Variants in KIAA1549L observed in about 807,000 individuals in gnomAD.
KIAA1549L encodes UPF0606 protein KIAA1549L.
Under a neutral mutation model 160.7 loss-of-function variants are expected in KIAA1549L, and 88 were observed. The observed-to-expected ratio is 0.55, with a 90% CI of 0.46 to 0.65. The LOEUF is 0.65. KIAA1549L is among the 30% of genes least tolerant of loss of function. KIAA1549L has a pLI of 0.00. For missense variants in KIAA1549L, 2,258 were observed against 2,437.5 expected (o/e 0.93, Z 1.55); for synonymous variants, 950 against 976.7 (o/e 0.97, Z 0.51).
chr11:33,387,375 G>A (rs1376013341), intron 1 of KIAA1549L, among the ~76,000 whole-genome samples: 26 of 151,752 alleles, frequency 1.7e-4, no homozygotes, highest in Admixed American at 1.5e-3. Context: ...GCACAGTCTC[G>A]GCTCACTGCA....
At position 33,543,109 on chromosome 11, in the gene KIAA1549L, T is replaced by C. The variant is rs1274503929; in HGVS notation, c.1546T>C (p.Ser516Pro). ...CCTCCAGCCCACAGAGAATCATGCCTCCCCATCTCCTGTGCCAGAAATGCC... is the reference window on the plus strand; with the variant it reads ...CCTCCAGCCCACAGAGAATCATGCCCCCCCATCTCCTGTGCCAGAAATGCC... Reference protein sequence around the residue: ...TFLQPTENHASPSPVPEMPTL... With the variant: ...TFLQPTENHAPPSPVPEMPTL... Residue 516 changes from serine to proline, a missense_variant, in exon 2 of 21, where the codon TCC becomes CCC. Transcript: ENST00000658780. The C allele has an allele frequency of 6.2e-7, 1 of 1,613,818 alleles. No individual in the cohort carries two copies. Among genetic ancestry groups the C allele is most frequent in the African/African-American group, 1.3e-5 (1 of 75,038 alleles).
chr11:33,480,891 G>A (rs1170769603), intron 1 of KIAA1549L, among the ~76,000 whole-genome samples: 1 of 152,184 alleles, frequency 6.6e-6, no homozygotes, highest in South Asian at 2.1e-4. Flanking sequence ...GTGGATGTAG[G>A]AGTCAGATTT....
intron 1 of KIAA1549L, among the ~76,000 whole-genome samples, chr11:33,449,302 TTTC>T (rs1187415603): frequency 6.6e-6 from 1 of 152,192 alleles, no homozygotes; most frequent in Non-Finnish European, 1.5e-5. Context: ...TCTCACACTT[TTTC>T]TTCTTTGGAG....
At chr11:33,640,015 T>TA (rs1221481256) in intron 16 of KIAA1549L, among the ~76,000 whole-genome samples, 1 of 152,200 alleles carries the variant, frequency 6.6e-6, no homozygotes, top group Non-Finnish European at 1.5e-5. Context: ...TGGAGATACT[T>TA]ACTTACAATA....
chr11:33,599,036 C>T, intron 13 of KIAA1549L, 89 bp downstream of exon 13: 1 of 1,455,688 alleles, frequency 6.9e-7, no homozygotes, highest in African/African-American at 1.4e-5. Flanking sequence ...CAAACTCACA[C>T]ACAGCCACTG....
intron 1 of KIAA1549L, among the ~76,000 whole-genome samples, chr11:33,464,779 C>T (rs1852017327): frequency 6.6e-6 from 1 of 152,064 alleles, no homozygotes; most frequent in African/African-American, 2.4e-5. Context: ...GACCTCTTAG[C>T]AAGGCTTACT....
chr11:33,445,621 T>C (rs1316467845), intron 1 of KIAA1549L, among the ~76,000 whole-genome samples: 1 of 152,236 alleles, frequency 6.6e-6, no homozygotes, highest in South Asian at 2.1e-4. Flanking sequence ...AAGAATGATA[T>C]GTTGGACTCA....
chr11:33,465,367 T>C (rs1048492501), intron 1 of KIAA1549L, among the ~76,000 whole-genome samples: 2 of 152,082 alleles, frequency 1.3e-5, no homozygotes, highest in Non-Finnish European at 2.9e-5. Flanking sequence ...GGGGACCTTC[T>C]TGTCTTCCTT....
intron 1 of KIAA1549L, among the ~76,000 whole-genome samples, chr11:33,474,702 T>G (rs1308752266): frequency 1.3e-5 from 2 of 152,182 alleles, no homozygotes; most frequent in Non-Finnish European, 2.9e-5. Context: ...GGTTGGAGGA[T>G]TAAATGAAAT....
chr11:33,405,450 T>G (rs953391666), intron 1 of KIAA1549L, among the ~76,000 whole-genome samples: 1 of 151,340 alleles, frequency 6.6e-6, no homozygotes, highest in African/African-American at 2.4e-5. Flanking sequence ...TGTAATAGAC[T>G]AACAAAAAAA....
At chr11:33,627,946 C>G (rs1851165349) in intron 16 of KIAA1549L, among the ~76,000 whole-genome samples, 1 of 151,642 alleles carries the variant, frequency 6.6e-6, no homozygotes, top group Non-Finnish European at 1.5e-5. Context: ...TCCCTCTACA[C>G]ACTGCTTTGA....
intron 1 of KIAA1549L, among the ~76,000 whole-genome samples, chr11:33,438,928 T>G (rs926192979): frequency 1.3e-5 from 2 of 152,048 alleles, no homozygotes; most frequent in Non-Finnish European, 2.9e-5. Flanking sequence ...CTGAATTTAT[T>G]TATTTATTTA....
chr11:33,477,144 C>G (rs1265525005), intron 1 of KIAA1549L, among the ~76,000 whole-genome samples: 12 of 152,232 alleles, frequency 7.9e-5, no homozygotes, highest in African/African-American at 2.6e-4. Flanking sequence ...TCAGTAGTAG[C>G]AGAGCTGTGT....
At chr11:33,407,116 G>A (rs1850676979) in intron 1 of KIAA1549L, among the ~76,000 whole-genome samples, 1 of 115,996 alleles carries the variant, frequency 8.6e-6, no homozygotes, top group Admixed American at 1.3e-4. Context: ...ACGGAGTCTC[G>A]CTCTGTCGTC....
chr11:33,405,607 G>T (rs752673403), intron 1 of KIAA1549L, among the ~76,000 whole-genome samples: 29 of 151,354 alleles, frequency 1.9e-4, no homozygotes, highest in Non-Finnish European at 3.8e-4. Flanking sequence ...ACTTTGGGAG[G>T]CCGAGGTGGG....
intron 1 of KIAA1549L, among the ~76,000 whole-genome samples, chr11:33,511,938 A>G (rs1157262037): frequency 1.3e-5 from 2 of 152,232 alleles, no homozygotes; most frequent in East Asian, 1.9e-4. Flanking sequence ...ATGAGTTTGT[A>G]TACAATAAAG....
intron 1 of KIAA1549L, among the ~76,000 whole-genome samples, chr11:33,401,532 C>T (rs922657455): frequency 1.3e-5 from 2 of 151,676 alleles, no homozygotes; most frequent in African/African-American, 4.8e-5. Context: ...CACCTGTTCA[C>T]TCCTTAAATG....
intron 1 of KIAA1549L, among the ~76,000 whole-genome samples, chr11:33,403,900 C>G (rs1850591878): frequency 6.6e-6 from 1 of 152,072 alleles, no homozygotes; most frequent in Non-Finnish European, 1.5e-5. Context: ...CTTTGTTTTT[C>G]CAGGAGACAG....
Position 33,528,210 on chromosome 11 carries a change from A to G in KIAA1549L, c.239-13592A>G, listed in dbSNP as rs557719671. ...TGAAAACAGACTAATACAAATGGCC[A>G]ACAAACTATGAAAAAATGCTCAAGA... is the stretch of plus-strand genomic sequence containing the variant. On this transcript the variant is annotated intron_variant, in intron 1 of 20. Transcript: ENST00000658780. Among the ~76,000 whole-genome samples, 427 of 152,352 alleles carry G rather than the reference A, an allele frequency of 2.8e-3. 3 individuals carry two copies. The highest frequency in any genetic ancestry group is 9.8e-3 in the African/African-American group (407 of 41,586).
Sources: allele counts gnomAD v4.1 joint callset (sites outside exome capture counted in the v4.1 genomes callset), GRCh38; gene constraint gnomAD v4.1.1; transcripts MANE v1.5; gene names NCBI Gene and HGNC (gene_info 2026-07-23, HGNC 2026-07-21).